GNA12: variants seen among roughly 807,000 people sequenced by gnomAD.
GNA12 encodes guanine nucleotide-binding protein subunit alpha-12.
In GNA12, 9 loss-of-function variants were observed where a neutral mutation model predicts 26.0. That is an observed-to-expected ratio of 0.35 (90% CI 0.21 to 0.60). The LOEUF is 0.60. GNA12 is among the 20% of genes least tolerant of loss of function. The pLI is 0.78. For synonymous variants in GNA12, 264 were observed against 219.6 expected (o/e 1.20, Z -1.79); for missense variants, 405 against 525.8 (o/e 0.77, Z 2.25).
At chr7:2,736,188 A>G (rs1360993727) in intron 2 of GNA12, among the ~76,000 whole-genome samples, 1 of 152,202 alleles carries the variant, frequency 6.6e-6, no homozygotes, top group East Asian at 1.9e-4. Flanking sequence ...AGATGTCCAC[A>G]TGAAATTAAC....
chr7:2,732,597 A>G (rs1010153687), intron 3 of GNA12, among the ~76,000 whole-genome samples: 1 of 152,190 alleles, frequency 6.6e-6, no homozygotes, highest in Non-Finnish European at 1.5e-5. Flanking sequence ...ACCTCCCGTG[A>G]TGAGTGCACA....
chr7:2,790,195 C>A (rs988676015), intron 2 of GNA12, among the ~76,000 whole-genome samples: 1 of 152,200 alleles, frequency 6.6e-6, no homozygotes, highest in Non-Finnish European at 1.5e-5. Flanking sequence ...CCTCCTCCTG[C>A]CGGATAGAAT....
chr7:2,759,859 GCCC>G (rs137982510), intron 2 of GNA12, among the ~76,000 whole-genome samples: 2,501 of 152,194 alleles, frequency 0.016, 87 homozygotes, highest in African/African-American at 0.057. Context: ...GCGATTGTCC[GCCC>G]CCGTCTCAGA....
At chr7:2,768,684 AAAC>A (rs1297165527) in intron 2 of GNA12, among the ~76,000 whole-genome samples, 9 of 131,886 alleles carry the variant, frequency 6.8e-5, no homozygotes, top group African/African-American at 2.4e-4. Context: ...AAACAAAACA[AAAC>A]AAAAAAAAAA....
intron 3 of GNA12, among the ~76,000 whole-genome samples, chr7:2,732,449 G>C (rs1006789455): frequency 2.0e-5 from 3 of 152,204 alleles, no homozygotes; most frequent in Admixed American, 6.5e-5. Flanking sequence ...GGGAGGCCGA[G>C]ACAGGAGGAT....
At chr7:2,774,719 T>A (rs1437558911) in intron 2 of GNA12, among the ~76,000 whole-genome samples, 1 of 152,262 alleles carries the variant, frequency 6.6e-6, no homozygotes, top group African/African-American at 2.4e-5. Context: ...GTCTTCCTTT[T>A]TATATAACTT....
Position 2,788,588 on chromosome 7 carries a change from G to A in GNA12, c.525+6340C>T, listed in dbSNP as rs896441160. ...TAGTTCCACTTATTCAGGCAATTCT[G>A]TACCTAAAGATGCTACCGGCCTGCT... On this transcript the variant is annotated intron_variant, in intron 2 of 3. Transcript: ENST00000275364. Among the ~76,000 whole-genome samples, 39 of 152,338 alleles carry A rather than the reference G, an allele frequency of 2.6e-4. 1 individual carries two copies. The highest frequency in any genetic ancestry group is 2.5e-3 in the Admixed American group (38 of 15,298).
chr7:2,732,894 C>G (rs1214249879), intron 3 of GNA12, among the ~76,000 whole-genome samples: 2 of 152,224 alleles, frequency 1.3e-5, no homozygotes, highest in African/African-American at 4.8e-5. Flanking sequence ...GATTCAAACT[C>G]TGCTAAAACA....
Position 2,774,848 on chromosome 7 carries a change from T to C in GNA12, c.525+20080A>G, listed in dbSNP as rs76315505. The stretch of plus-strand genomic sequence containing the variant: ...ATATTTACGCAGCTATCTGTGTTAC[T>C]GAGCCACCTTCTTACCTGGGGTTGG... On this transcript the variant is annotated intron_variant, in intron 2 of 3. Transcript: ENST00000275364. 5.9e-4 allele frequency among the ~76,000 whole-genome samples: 90 copies of C among 152,350 alleles called. No homozygotes were observed. In the East Asian group the frequency reaches 0.016, roughly 27 times the overall value.
At chr7:2,792,099 C>T (rs79671615) in intron 2 of GNA12, among the ~76,000 whole-genome samples, 2 of 152,190 alleles carry the variant, frequency 1.3e-5, no homozygotes, top group East Asian at 3.8e-4. Context: ...CCACCTTACC[C>T]TAATCACCCG....
intron 1 of GNA12, among the ~76,000 whole-genome samples, chr7:2,818,734 G>A (rs1793272566): frequency 6.6e-6 from 1 of 151,008 alleles, no homozygotes; most frequent in African/African-American, 2.4e-5. Flanking sequence ...CTACACTCCA[G>A]CGTGGGTGAC....
chr7:2,813,028 C>G lies in GNA12; in HGVS notation c.310-17885G>C, dbSNP rs1292620318. On this transcript the variant is annotated intron_variant, in intron 1 of 3. Coordinates refer to ENST00000275364, the MANE Select transcript of GNA12 (RefSeq NM_007353.3). ...GTGCAATCATGGCTCATTGCAGCCT[C>G]AAACTCCCAGGCTCAGTCTCCTGAG... 2.0e-5 allele frequency among the ~76,000 whole-genome samples: 3 copies of G among 152,254 alleles called. No homozygotes were observed. In the East Asian group the frequency reaches 5.8e-4, roughly 29 times the overall value.
At chr7:2,785,243 T>TC (rs1554260112) in intron 2 of GNA12, among the ~76,000 whole-genome samples, 2 of 152,162 alleles carry the variant, frequency 1.3e-5, no homozygotes, top group African/African-American at 4.8e-5. Context: ...AGAGCTGGGA[T>TC]CAGCACCCAA....
chr7:2,840,583 G>A (rs563286691), intron 1 of GNA12, among the ~76,000 whole-genome samples: 5 of 152,336 alleles, frequency 3.3e-5, no homozygotes, highest in South Asian at 4.1e-4. Context: ...CCCTGGCCAA[G>A]TTTAGTATTT....
chr7:2,795,056 C>T lies in GNA12; in HGVS notation c.397G>A (p.Ala133Thr). Reference protein sequence around the residue: ...ENEKHGMFLMAFENKAGLPVE... With the variant: ...ENEKHGMFLMTFENKAGLPVE... ...GGCAGCCCCGCCTTGTTCTCGAAGG[C>T]CATCAGGAACATCCCATGCTTCTCA... The change falls in exon 2 of 4, where the codon GCC (alanine) becomes ACC (threonine). Residue 133 changes from alanine (A) to threonine (T), a missense_variant. By Grantham distance (58) the Ala-to-Thr change is moderately conservative (BLOSUM62 0). Transcript: ENST00000275364. 1 of 1,613,906 alleles carries T rather than the reference C, an allele frequency of 6.2e-7. No homozygotes were observed. The highest frequency in any genetic ancestry group is 1.1e-5 in the South Asian group (1 of 91,076).
At chr7:2,734,155 C>G (rs1790040792) in intron 2 of GNA12, among the ~76,000 whole-genome samples, 3 of 152,170 alleles carry the variant, frequency 2.0e-5, no homozygotes. Context: ...GTGCGAAGGG[C>G]CCTGCGGAAT....
At chr7:2,841,214 C>T (rs375950315) in intron 1 of GNA12, among the ~76,000 whole-genome samples, 87 of 152,132 alleles carry the variant, frequency 5.7e-4, no homozygotes, top group African/African-American at 1.9e-3. Flanking sequence ...TGCAGTGGTG[C>T]GATCTCGGCT....
chr7:2,836,169 G>C (rs1309256707), intron 1 of GNA12: 1 of 213,976 alleles, frequency 4.7e-6, no homozygotes, highest in African/African-American at 2.4e-5. Context: ...GCAGAGGATA[G>C]AGTGAGGTAA....
chr7:2,814,635 CTTTTT>C (rs35209860), intron 1 of GNA12, among the ~76,000 whole-genome samples: 2 of 133,706 alleles, frequency 1.5e-5, no homozygotes, highest in African/African-American at 2.8e-5. Flanking sequence ...CTTTTCCTGC[CTTTTT>C]TTTTTTTTTT....
Sources: allele counts gnomAD v4.1 joint callset (sites outside exome capture counted in the v4.1 genomes callset), GRCh38; gene constraint gnomAD v4.1.1; transcripts MANE v1.5; gene names NCBI Gene and HGNC (gene_info 2026-07-23, HGNC 2026-07-21).